Variants in MTFR1 observed in about 807,000 individuals in gnomAD.
MTFR1 encodes the protein chondrocyte protein with a poly-proline region.
A neutral mutation model predicts 38.8 loss-of-function variants in MTFR1; 28 were observed. The observed-to-expected ratio is 0.72, with a 90% CI of 0.53 to 0.99. MTFR1 has a LOEUF of 0.99. MTFR1 is among the 50% of genes least tolerant of loss of function. The pLI is 0.00. For synonymous variants in MTFR1, 145 were observed against 137.0 expected (o/e 1.06, Z -0.41); for missense variants, 358 against 395.5 (o/e 0.91, Z 0.81).
At chr8:65,654,222 A>C (rs893998809) in intron 1 of MTFR1, among the ~76,000 whole-genome samples, 2 of 152,134 alleles carry the variant, frequency 1.3e-5, no homozygotes, top group Non-Finnish European at 2.9e-5. Flanking sequence ...AGTTTTGGTA[A>C]GTTTTCAGAT....
At chr8:65,672,511 A>G (rs1804591165) in intron 2 of MTFR1, among the ~76,000 whole-genome samples, 1 of 150,708 alleles carries the variant, frequency 6.6e-6, no homozygotes, top group East Asian at 1.9e-4. Flanking sequence ...AATACAGTGA[A>G]TCACTTTTTT....
intron 1 of MTFR1, among the ~76,000 whole-genome samples, chr8:65,669,576 G>C (rs1804502924): frequency 6.7e-6 from 1 of 149,916 alleles, no homozygotes; most frequent in Non-Finnish European, 1.5e-5. Flanking sequence ...TTTTGAGACA[G>C]AGTCTCGCTC....
In MTFR1 at chr8:65,740,142, T is replaced by G. The variant is rs183626570; in HGVS notation, c.*48+20661T>G. On this transcript the variant is annotated intron_variant, in intron 3 of 3. Transcript: ENST00000521247. ...AACTCAGCCACTTGCTTTTCCAGAG[T>G]AGCTGCAGAAAATCTGAGAGTTGCT... Among the ~76,000 whole-genome samples the G allele has an allele frequency of 1.7e-3, 210 of 123,942 alleles. 2 individuals are homozygous for G. Among genetic ancestry groups the G allele is most frequent in the African/African-American group, 6.1e-3 (196 of 32,244 alleles). 81.3% of individuals were successfully genotyped at this position (123,942 alleles called of 152,430 possible). A position where few individuals can be genotyped will look rare whatever the true frequency, so the allele number is the denominator to read the frequency against.
chr8:65,767,593 A>G (rs2128918431), intron 3 of MTFR1, among the ~76,000 whole-genome samples: 1 of 152,210 alleles, frequency 6.6e-6, no homozygotes, highest in East Asian at 1.9e-4. Context: ...CTCCCCAGAG[A>G]GGGTCTTGCC....
At chr8:65,762,954 TAGTG>T (rs889338918) in intron 3 of MTFR1, among the ~76,000 whole-genome samples, 59 of 151,158 alleles carry the variant, frequency 3.9e-4, no homozygotes, top group African/African-American at 1.4e-3. Flanking sequence ...CTGGGCAACA[TAGTG>T]AGCCTCCATC....
chr8:65,686,546 C>CT (rs1805080967), intron 3 of MTFR1, among the ~76,000 whole-genome samples: 2 of 147,762 alleles, frequency 1.4e-5, no homozygotes, highest in Non-Finnish European at 1.5e-5. Flanking sequence ...TGCTACTGCA[C>CT]TCCAGCCTGG....
intron 3 of MTFR1, chr8:65,723,625 T>C (rs766415277): frequency 6.5e-7 from 1 of 1,539,354 alleles, no homozygotes; most frequent in South Asian, 1.3e-5. Context: ...ATATCTCCTA[T>C]AAATTAAAAA....
chr8:65,669,944 G>A lies in MTFR1; in HGVS notation c.-9G>A. On this transcript the variant is annotated 5_prime_UTR_variant, in exon 2 of 8. Transcript: ENST00000262146. ...TGAAATGCAAATTTGGGGAGACTTTGCCATATAAATGCTTGGCTGGATTAA... is the reference window on the plus strand; with the variant it reads ...TGAAATGCAAATTTGGGGAGACTTTACCATATAAATGCTTGGCTGGATTAA... The A allele has an allele frequency of 6.2e-7, 1 of 1,604,628 alleles. No individual in the cohort carries two copies. The highest frequency in any genetic ancestry group is 8.5e-7 in the Non-Finnish European group (1 of 1,178,114).
At chr8:65,650,210 CTT>C (rs768949769) in intron 1 of MTFR1, among the ~76,000 whole-genome samples, 11,848 of 114,106 alleles carry the variant, frequency 0.1, 351 homozygotes, top group Non-Finnish European at 0.13. Flanking sequence ...TCCTTATACT[CTT>C]TTTTTTTTTT....
chr8:65,644,376 A>C (rs1483821909), upstream of MTFR1, among the ~76,000 whole-genome samples: 1 of 152,218 alleles, frequency 6.6e-6, no homozygotes, highest in Admixed American at 6.5e-5. Flanking sequence ...TGGGCTCCAC[A>C]TGTTAGGTTA....
chr8:65,653,693 C>T (rs1438632755), intron 1 of MTFR1, among the ~76,000 whole-genome samples: 1 of 152,096 alleles, frequency 6.6e-6, no homozygotes, highest in Admixed American at 6.6e-5. Flanking sequence ...CTTAGATGGT[C>T]CAAATTAGAA....
chr8:65,654,200 T>G (rs1053964866), intron 1 of MTFR1, among the ~76,000 whole-genome samples: 1 of 152,140 alleles, frequency 6.6e-6, no homozygotes, highest in Admixed American at 6.5e-5. Context: ...CCCTCAGATA[T>G]AGTAAGTGTT....
chr8:65,754,462 C>G (rs567448892), intron 3 of MTFR1, among the ~76,000 whole-genome samples: 8 of 151,320 alleles, frequency 5.3e-5, no homozygotes, highest in Admixed American at 5.3e-4. Context: ...CTCAGGCTCC[C>G]GAGTAGCTGG....
At chr8:65,695,891 CCT>C (rs1240526839) in intron 4 of MTFR1, among the ~76,000 whole-genome samples, 1 of 151,992 alleles carries the variant, frequency 6.6e-6, no homozygotes, top group Non-Finnish European at 1.5e-5. Flanking sequence ...GCATTTGTAC[CCT>C]GAGTGAAGCC....
At chr8:65,698,133 G>A (rs1043021144) in intron 4 of MTFR1, among the ~76,000 whole-genome samples, 2 of 149,518 alleles carry the variant, frequency 1.3e-5, no homozygotes, top group African/African-American at 4.9e-5. Flanking sequence ...TTTTACATTT[G>A]AGTCCATGAT....
chr8:65,731,336 CTT>C (rs931542745), intron 3 of MTFR1, among the ~76,000 whole-genome samples: 40 of 152,180 alleles, frequency 2.6e-4, no homozygotes, highest in African/African-American at 8.2e-4. Flanking sequence ...GGGCCAGGCT[CTT>C]TTGTCAACTG....
At chr8:65,672,301 T>A (rs1336171310) in intron 2 of MTFR1, among the ~76,000 whole-genome samples, 1 of 152,224 alleles carries the variant, frequency 6.6e-6, no homozygotes, top group Non-Finnish European at 1.5e-5. Context: ...ATTTCCAGTA[T>A]TTTTTAGCTT....
intron 1 of MTFR1, among the ~76,000 whole-genome samples, chr8:65,662,541 G>A (rs1215623341): frequency 1.4e-5 from 2 of 145,118 alleles, no homozygotes; most frequent in African/African-American, 2.5e-5. Context: ...AGTGAGGAGC[G>A]TCTCTGCCTG....
intron 2 of MTFR1, among the ~76,000 whole-genome samples, chr8:65,671,264 T>C (rs1804562136): frequency 6.6e-6 from 1 of 152,290 alleles, no homozygotes; most frequent in South Asian, 2.1e-4. Context: ...CCAGTCGCAG[T>C]GCTCAGGCCT....
Sources: gnomAD v4.1 joint callset for allele counts (sites outside exome capture counted in the v4.1 genomes callset) on GRCh38, gnomAD v4.1.1 for gene constraint, MANE v1.5 for transcripts, NCBI Gene and HGNC (gene_info 2026-07-23, HGNC 2026-07-21) for gene names.